The following SUGCT variants were observed in gnomAD, a reference collection of about 807,000 sequenced individuals.
SUGCT encodes the protein succinyl-CoA:glutarate CoA-transferase.
In SUGCT, 41 loss-of-function variants were observed where a neutral mutation model predicts 55.0. The ratio of observed to expected loss-of-function variants is 0.74; its 90% CI spans 0.58 to 0.97. The LOEUF (loss-of-function observed/expected upper bound fraction) is 0.97, where lower values mean the gene tolerates loss of function less well. SUGCT is among the 50% of genes least tolerant of loss of function. The pLI, the probability that SUGCT is intolerant of heterozygous loss-of-function variation, is 0.00. For missense variants in SUGCT, 568 were observed against 547.8 expected (o/e 1.04, Z -0.37); for synonymous variants, 187 against 200.4 (o/e 0.93, Z 0.56).
chr7:40,941,842 GT>G, the SUGCT span, among the ~76,000 whole-genome samples: 31 of 151,994 alleles, frequency 2.0e-4, no homozygotes, highest in East Asian at 5.2e-3. Context: ...TATTTTTACT[GT>G]TGTTGCCTTA....
chr7:40,241,691 G>A (rs1789402800), intron 7 of SUGCT, among the ~76,000 whole-genome samples: 3 of 151,768 alleles, frequency 2.0e-5, no homozygotes, highest in Admixed American at 2.0e-4. Context: ...GGAGGCCGAG[G>A]CAGGCAGATC....
intron 6 of SUGCT, among the ~76,000 whole-genome samples, chr7:40,233,761 A>G (rs1056602870): frequency 3.3e-5 from 5 of 152,198 alleles, no homozygotes; most frequent in African/African-American, 9.6e-5. Context: ...CTCTTGATAT[A>G]AAATTCATTT....
chr7:40,862,168 CAA>C (rs1794500736), downstream of SUGCT, among the ~76,000 whole-genome samples: 2 of 152,154 alleles, frequency 1.3e-5, no homozygotes, highest in East Asian at 3.9e-4. Flanking sequence ...ATTGATCATG[CAA>C]AGAGGACAGA....
chr7:40,841,960 A>G (rs1018003604), intron 13 of SUGCT, among the ~76,000 whole-genome samples: 3 of 152,228 alleles, frequency 2.0e-5, no homozygotes, highest in African/African-American at 7.2e-5. Flanking sequence ...TCAGATTTTC[A>G]GTACTAATTA....
intron 9 of SUGCT, among the ~76,000 whole-genome samples, chr7:40,411,083 C>G (rs976509229): frequency 2.6e-5 from 4 of 152,158 alleles, no homozygotes; most frequent in African/African-American, 9.7e-5. Context: ...TCACTTTTCT[C>G]TAACACACTG....
At chr7:40,331,955 G>A (rs150251995) in intron 9 of SUGCT, among the ~76,000 whole-genome samples, 140 of 152,320 alleles carry the variant, frequency 9.2e-4, no homozygotes, top group Middle Eastern at 3.4e-3. Flanking sequence ...AAATGGCATA[G>A]TCACTGATTT....
At chr7:41,037,440 A>C in the SUGCT span, among the ~76,000 whole-genome samples, 1 of 151,994 alleles carries the variant, frequency 6.6e-6, no homozygotes, top group Non-Finnish European at 1.5e-5. Flanking sequence ...AAAAAAAAAA[A>C]GATATATTAC....
intron 8 of SUGCT, among the ~76,000 whole-genome samples, chr7:40,304,048 C>CAA (rs529987357): frequency 7.0e-4 from 43 of 61,516 alleles, no homozygotes; most frequent in African/African-American, 1.1e-3. Context: ...GACTCCATCT[C>CAA]AAAAAAAAAA....
At chr7:40,173,009 G>A (rs1233336393) in intron 1 of SUGCT, among the ~76,000 whole-genome samples, 2 of 152,184 alleles carry the variant, frequency 1.3e-5, no homozygotes, top group African/African-American at 4.8e-5. Flanking sequence ...CAAATGTTAC[G>A]GGTGGGTCTT....
At chr7:40,680,632 G>A (rs1317980007) in intron 12 of SUGCT, among the ~76,000 whole-genome samples, 1 of 152,020 alleles carries the variant, frequency 6.6e-6, no homozygotes, top group Non-Finnish European at 1.5e-5. Context: ...TTTTACAGGA[G>A]GAAAAAAATC....
chr7:40,610,602 T>C (rs1798724683), intron 12 of SUGCT, among the ~76,000 whole-genome samples: 1 of 152,188 alleles, frequency 6.6e-6, no homozygotes, highest in Non-Finnish European at 1.5e-5. Context: ...ATTCGACTTG[T>C]AACGCGTAAT....
rs34780979 is a variant in SUGCT at position 40,248,888 on chromosome 7, G to GCACACACACA, written c.576+11174_576+11183dup. 4.5e-3 allele frequency among the ~76,000 whole-genome samples: 614 copies of GCACACACACA among 135,556 alleles called. 4 individuals carry two copies. Among genetic ancestry groups the GCACACACACA allele is most frequent in the Non-Finnish European group, 5.3e-3 (337 of 63,596 alleles). The allele number at this position is 135,556 out of a possible 152,430, so 88.9% of individuals were successfully genotyped here. On this transcript the variant is annotated intron_variant, in intron 7 of 13. Coordinates refer to ENST00000335693, the MANE Select transcript of SUGCT (RefSeq NM_001193313.2). The stretch of plus-strand genomic sequence containing the variant: ...CTCTTTCCAGCGCGCGCGCGCGCTC[G>GCACACACACA]CACACACACACACACACACACGCAC...
At chr7:40,982,208 G>A in the SUGCT span, among the ~76,000 whole-genome samples, 1 of 152,304 alleles carries the variant, frequency 6.6e-6, no homozygotes, top group African/African-American at 2.4e-5. Flanking sequence ...TTGCCAGTAG[G>A]TTGTACACAT....
rs568121646 is a variant in SUGCT, at chr7:40,697,823, T to C, written c.1090-51611T>C. 2.9e-3 allele frequency among the ~76,000 whole-genome samples: 448 copies of C among 152,314 alleles called. 4 individuals carry two copies. The highest frequency in any genetic ancestry group is 9.9e-3 in the African/African-American group (412 of 41,572). ...AGATGATGGCTCATACTACACCTTATTGCTCAATCATTCAGCTAGTCAGAC... is the reference window on the plus strand; with the variant it reads ...AGATGATGGCTCATACTACACCTTACTGCTCAATCATTCAGCTAGTCAGAC... On this transcript the variant is annotated intron_variant, in intron 12 of 13. Transcript: ENST00000335693.
rs1217441113 is a variant in SUGCT at position 40,860,365 on chromosome 7, C to A, written c.1203C>A (p.Pro401=). 4.3e-6 allele frequency: 7 copies of A among 1,613,968 alleles called. No homozygotes were observed. In the East Asian group the frequency reaches 1.3e-4, roughly 31 times the overall value. The change falls in exon 14 of 14, where the codon CCC becomes CCA. Residue 401 remains proline (P), a synonymous_variant. Transcript: ENST00000335693. ...SKFKMSEARP[P]PLLGQHTTHI... ...TCAAGATGTCAGAGGCCAGGCCGCC[C>A]CCGCTGCTCGGGCAGCACACAACGC...
At chr7:40,911,796 T>G in the SUGCT span, among the ~76,000 whole-genome samples, 1 of 152,234 alleles carries the variant, frequency 6.6e-6, no homozygotes, top group East Asian at 1.9e-4. Context: ...AAAGGAACCA[T>G]GAAAAGCAGT....
At chr7:40,538,186 C>G (rs2151610801) in intron 12 of SUGCT, 1 of 152,158 alleles carries the variant, frequency 6.6e-6, no homozygotes, top group East Asian at 1.9e-4. Flanking sequence ...TTATTTTTAT[C>G]TTTACATCAT....
At chr7:40,541,714 G>A (rs1309083145) in intron 12 of SUGCT, among the ~76,000 whole-genome samples, 1 of 152,202 alleles carries the variant, frequency 6.6e-6, no homozygotes, top group Non-Finnish European at 1.5e-5. Context: ...GAAGAGTCTA[G>A]AGATTGGATT....
intron 12 of SUGCT, among the ~76,000 whole-genome samples, chr7:40,665,490 A>G (rs1801578022): frequency 6.6e-6 from 1 of 151,840 alleles, no homozygotes; most frequent in South Asian, 2.1e-4. Flanking sequence ...GTACTGGCTC[A>G]AGAGAGAAGA....
Sources: allele counts gnomAD v4.1 joint callset (sites outside exome capture counted in the v4.1 genomes callset), GRCh38; gene constraint gnomAD v4.1.1; transcripts MANE v1.5; gene names NCBI Gene and HGNC (gene_info 2026-07-23, HGNC 2026-07-21).